CPAMD8: variants seen among roughly 807,000 people sequenced by gnomAD.
The protein encoded by CPAMD8 is C3 and PZP-like alpha-2-macroglobulin domain-containing protein 8.
In CPAMD8, 146 loss-of-function variants were observed where a neutral mutation model predicts 224.7. That is an observed-to-expected ratio of 0.65 (90% CI 0.57 to 0.75). CPAMD8 has a LOEUF of 0.75. Among genes scored for constraint, CPAMD8 ranks in the 30% least tolerant of loss-of-function variants. The probability of loss-of-function intolerance (pLI) is 0.00; values close to 1 mark genes in which losing one functional copy is unlikely to be tolerated. For missense variants in CPAMD8, 2,301 were observed against 2,537.5 expected (o/e 0.91, Z 2.00); for synonymous variants, 966 against 1,044.6 (o/e 0.92, Z 1.45).
chr19:17,008,235 G>A (rs1368887956), intron 7 of CPAMD8, among the ~76,000 whole-genome samples: 1 of 152,180 alleles, frequency 6.6e-6, no homozygotes, highest in Admixed American at 6.5e-5. Flanking sequence ...TTCTGAGCAG[G>A]AGCCCCGCCT....
At chr19:16,926,835 T>C (rs1347974418) in intron 25 of CPAMD8, among the ~76,000 whole-genome samples, 1 of 152,184 alleles carries the variant, frequency 6.6e-6, no homozygotes, top group East Asian at 1.9e-4. Flanking sequence ...CAGTTCCATC[T>C]TAGTCACTCA....
At position 16,990,604 on chromosome 19, in the gene CPAMD8, C is replaced by T. The variant is rs1180314947; in HGVS notation, c.1267-833G>A. Among the ~76,000 whole-genome samples the T allele has an allele frequency of 3.3e-5, 5 of 152,106 alleles. No homozygotes were observed. In the East Asian group the frequency reaches 9.7e-4, roughly 29 times the overall value. On this transcript the variant is annotated intron_variant, in intron 12 of 41. Coordinates refer to ENST00000443236, the MANE Select transcript of CPAMD8 (RefSeq NM_015692.5). ...GTTGGGCCAGGCGCGATGGCTCACG[C>T]CTGTAATCCCACCACTTTGGGAGGC...
chr19:16,997,699 A>C (rs1374801522), intron 10 of CPAMD8, among the ~76,000 whole-genome samples: 2 of 152,032 alleles, frequency 1.3e-5, no homozygotes, highest in Admixed American at 6.6e-5. Context: ...AAAAATGTAA[A>C]AAAATAGCTG....
At chr19:16,994,045 G>A (rs2056045615) in intron 11 of CPAMD8, among the ~76,000 whole-genome samples, 1 of 152,220 alleles carries the variant, frequency 6.6e-6, no homozygotes, top group Non-Finnish European at 1.5e-5. Context: ...CAAGGCTGCA[G>A]AGAGCTATGA....
chr19:16,985,039 GA>G (rs778692589), intron 13 of CPAMD8, among the ~76,000 whole-genome samples: 6 of 152,152 alleles, frequency 3.9e-5, no homozygotes, highest in South Asian at 2.1e-4. Context: ...ATAATTTGGT[GA>G]ATGTAATTTT....
intron 10 of CPAMD8, 190 bp downstream of exon 10, chr19:17,000,224 C>G: frequency 4.2e-6 from 2 of 474,246 alleles, no homozygotes; most frequent in Non-Finnish European, 7.5e-6. Flanking sequence ...GGGGCAAAGG[C>G]GAGAGGATCG....
intron 18 of CPAMD8, among the ~76,000 whole-genome samples, chr19:16,966,828 G>C (rs2054843118): frequency 6.6e-6 from 1 of 152,106 alleles, no homozygotes; most frequent in Non-Finnish European, 1.5e-5. Context: ...TCATTAAAAA[G>C]TCAGGAAACA....
chr19:16,998,614 C>T lies in CPAMD8; in HGVS notation c.868-1276G>A, dbSNP rs555542667. ...AGCCGGTGCTGAAAGGCTTAATGTCCGGGCACCTACAAAGGGATGGGAATC... is the reference window on the plus strand; with the variant it reads ...AGCCGGTGCTGAAAGGCTTAATGTCTGGGCACCTACAAAGGGATGGGAATC... On this transcript the variant is annotated intron_variant, in intron 10 of 41. Coordinates refer to ENST00000443236, the MANE Select transcript of CPAMD8 (RefSeq NM_015692.5). 1.2e-3 allele frequency among the ~76,000 whole-genome samples: 180 copies of T among 152,130 alleles called. 1 individual carries two copies. Among genetic ancestry groups the T allele is most frequent in the African/African-American group, 2.7e-3 (112 of 41,498 alleles).
At chr19:17,009,486 T>C (rs895010393) in intron 5 of CPAMD8, 166 bp from the exon 6 acceptor site, 11 of 1,217,440 alleles carry the variant, frequency 9.0e-6, no homozygotes, top group Non-Finnish European at 1.2e-5. Context: ...GTAGGGTCTT[T>C]AGAAAGACTC....
chr19:16,923,313 C>T (rs532389530), intron 26 of CPAMD8, among the ~76,000 whole-genome samples: 1 of 152,298 alleles, frequency 6.6e-6, no homozygotes, highest in South Asian at 2.1e-4. Flanking sequence ...TCCCAGTGTG[C>T]AATGATGAGT....
In CPAMD8 at chr19:16,906,191, C is replaced by T. The variant is rs533349700; in HGVS notation, c.4027+761G>A. Reference sequence around the variant, plus strand: ...CCTCAAATAAAGTCACTAGCAGATGCGATAATGAATGAATACTATAATCAA... The same window carrying T: ...CCTCAAATAAAGTCACTAGCAGATGTGATAATGAATGAATACTATAATCAA... On this transcript the variant is annotated intron_variant, in intron 30 of 41. Transcript: ENST00000443236. Among the ~76,000 whole-genome samples the T allele has an allele frequency of 3.0e-4, 45 of 152,184 alleles. No homozygotes were observed. The South Asian group carries it at 6.8e-3, about 23-fold the overall frequency.
At chr19:16,895,925 A>ACACGCG (rs1555750226) in intron 41 of CPAMD8, 1 of 522,748 alleles carries the variant, frequency 1.9e-6, no homozygotes, top group Non-Finnish European at 3.6e-6. Flanking sequence ...ACACACACAC[A>ACACGCG]CACGCGCGCG....
chr19:16,939,625 T>C (rs918482402), intron 22 of CPAMD8, among the ~76,000 whole-genome samples: 3 of 152,110 alleles, frequency 2.0e-5, no homozygotes, highest in African/African-American at 4.8e-5. Flanking sequence ...AGCATTGGTG[T>C]TGGAGGACTG....
At chr19:17,021,883 T>G in intron 2 of CPAMD8, 147 bp downstream of exon 2, 1 of 713,270 alleles carries the variant, frequency 1.4e-6, no homozygotes, top group Non-Finnish European at 2.3e-6. Context: ...ATGCAACCTG[T>G]CTTCCCTCCC....
chr19:16,975,697 CA>C (rs2055243829), intron 16 of CPAMD8, among the ~76,000 whole-genome samples: 1 of 152,078 alleles, frequency 6.6e-6, no homozygotes. Flanking sequence ...AACAGAGCAA[CA>C]TCCCAACTCT....
rs758490171 is a variant in CPAMD8, at chr19:16,894,668, C to T, written c.5427-1329G>A. 28 of 343,434 alleles carry T rather than the reference C, an allele frequency of 8.2e-5. No homozygotes were observed. The Middle Eastern group carries it at 3.2e-3, about 39-fold the overall frequency. 21.3% of individuals were successfully genotyped at this position (343,434 alleles called of 1,614,324 possible). A position where few individuals can be genotyped will look rare whatever the true frequency, so the allele number is the denominator to read the frequency against. On this transcript the variant is annotated intron_variant, in intron 41 of 41. Transcript: ENST00000443236. ...GTGATGGGCTCTGGGTGTCCATGTG[C>T]GGTAAGAGGGGAGTAGCTTGTGTCA...
chr19:16,929,060 C>T lies in CPAMD8; in HGVS notation c.3026G>A (p.Arg1009Lys), dbSNP rs1349696214. ...CATCTTGCTGGTGGAGATCCATGACCTGGTGTTCTGATGCCCCCCCAGGAC... is the reference window on the plus strand; with the variant it reads ...CATCTTGCTGGTGGAGATCCATGACTTGGTGTTCTGATGCCCCCCCAGGAC... ...EIVLGGHQNTRSWISTSKMGE... is the reference protein window; with the variant it reads ...EIVLGGHQNTKSWISTSKMGE... Residue 1009 changes from arginine (R) to lysine (K), a missense_variant, in exon 24 of 42, where the codon AGG (arginine) becomes AAG (lysine). Around this residue, in one of 4 missense-constraint regions of CPAMD8, gnomAD observed 1,709 missense variants for 1,753.2 expected, o/e 0.97. Coordinates refer to ENST00000443236, the MANE Select transcript of CPAMD8 (RefSeq NM_015692.5). The T allele has an allele frequency of 1.2e-6, 2 of 1,613,936 alleles. No homozygotes were observed. Among genetic ancestry groups the T allele is most frequent in the Non-Finnish European group, 1.7e-6 (2 of 1,179,946 alleles).
chr19:16,953,845 A>G (rs2054377391), intron 19 of CPAMD8, among the ~76,000 whole-genome samples: 2 of 152,200 alleles, frequency 1.3e-5, no homozygotes, highest in African/African-American at 2.4e-5. Flanking sequence ...ACCAAAGAAG[A>G]TAGACAAATG....
chr19:16,970,934 T>A lies in CPAMD8; in HGVS notation c.2170A>T (p.Thr724Ser), dbSNP rs1269353470. The A allele has an allele frequency of 5.6e-6, 9 of 1,613,794 alleles. No individual in the cohort carries two copies. Among genetic ancestry groups the A allele is most frequent in the Non-Finnish European group, 6.8e-6 (8 of 1,179,938 alleles). Residue 724 changes from threonine (T) to serine (S), a missense_variant, in exon 18 of 42, where the codon ACA becomes TCA. Thr to Ser is a moderately conservative substitution (Grantham distance 58). Transcript: ENST00000443236. ...GGAGCCACTGCCACCAGGCTCCCTGTGTGGGGCTGGAAAGCGGGGACAGCC... is the reference window on the plus strand; with the variant it reads ...GGAGCCACTGCCACCAGGCTCCCTGAGTGGGGCTGGAAAGCGGGGACAGCC... ...DEAVPAFQPHTGSLVAVAPSR... is the reference protein window; with the variant it reads ...DEAVPAFQPHSGSLVAVAPSR...
Sources: allele counts gnomAD v4.1 joint callset (sites outside exome capture counted in the v4.1 genomes callset), GRCh38; gene constraint gnomAD v4.1.1; regional missense constraint gnomAD v4.1.1; transcripts MANE v1.5; gene names NCBI Gene and HGNC (gene_info 2026-07-23, HGNC 2026-07-21).